Variants in TLCD4 observed in about 807,000 individuals in gnomAD.
TLCD4 encodes TLC domain-containing protein 4.
A neutral mutation model predicts 24.2 loss-of-function variants in TLCD4; 7 were observed. The ratio of observed to expected loss-of-function variants is 0.29; its 90% CI spans 0.16 to 0.54. TLCD4 has a LOEUF of 0.54. Ranked by LOEUF, TLCD4 falls within the 20% of genes least tolerant of loss-of-function variation. TLCD4 has a pLI of 0.95. For synonymous variants in TLCD4, 103 were observed against 106.4 expected, an observed-to-expected ratio of 0.97 and a Z score of 0.20; for missense variants, 259 against 313.9, an observed-to-expected ratio of 0.82 and a Z score of 1.32.
chr1:95,164,393 A>G (rs527927882), intron 5 of TLCD4: 5 of 152,380 alleles, frequency 3.3e-5, no homozygotes, highest in Non-Finnish European at 7.3e-5. Context: ...TCCAGGTACC[A>G]TCTGCCACAG....
intron 5 of TLCD4, among the ~76,000 whole-genome samples, chr1:95,161,867 C>T (rs1571755939): frequency 6.6e-6 from 1 of 152,140 alleles, no homozygotes; most frequent in Admixed American, 6.5e-5. Flanking sequence ...GTCTGAGAGA[C>T]AGTTTGTTAT....
intron 3 of TLCD4, 142 bp downstream of exon 3, chr1:95,148,933 A>G: frequency 2.5e-6 from 3 of 1,184,756 alleles, no homozygotes; most frequent in Non-Finnish European, 3.4e-6. Context: ...ACATTCTAGC[A>G]AAGTGCATTT....
intron 1 of TLCD4, among the ~76,000 whole-genome samples, chr1:95,119,533 G>A (rs142004018): frequency 2.6e-5 from 4 of 152,328 alleles, no homozygotes; most frequent in African/African-American, 7.2e-5. Flanking sequence ...TGGGAAAGGG[G>A]CTGGGTTTCA....
chr1:95,110,101 AT>A, the TLCD4 span, among the ~76,000 whole-genome samples: 7 of 150,786 alleles, frequency 4.6e-5, no homozygotes, highest in Non-Finnish European at 3.0e-5. Flanking sequence ...TACCAAAAAA[AT>A]CAACTGAAAA....
upstream of TLCD4, among the ~76,000 whole-genome samples, chr1:95,115,042 CAATT>C (rs1163514508): frequency 1.3e-5 from 2 of 148,360 alleles, no homozygotes; most frequent in Non-Finnish European, 3.0e-5. Context: ...ATTGGTGAAA[CAATT>C]AATAATACAG....
At chr1:95,168,590 C>T (rs371216361) in intron 5 of TLCD4, among the ~76,000 whole-genome samples, 133 of 88,896 alleles carry the variant, frequency 1.5e-3, no homozygotes, top group African/African-American at 5.5e-3. Context: ...TTTTAAGAGA[C>T]GGGGTCTCAC....
intron 6 of TLCD4, among the ~76,000 whole-genome samples, chr1:95,183,586 C>T (rs12080350): frequency 0.21 from 31,778 of 152,080 alleles, 3,413 homozygotes; most frequent in Admixed American, 0.25. Flanking sequence ...CGCCTGTAAT[C>T]CCAGCATTTT....
intron 5 of TLCD4, among the ~76,000 whole-genome samples, chr1:95,160,675 C>G (rs764131299): frequency 2.5e-4 from 38 of 152,148 alleles, no homozygotes; most frequent in Non-Finnish European, 3.7e-4. Flanking sequence ...GAGATACATC[C>G]CATCAATACC....
chr1:95,128,164 G>A (rs941295257), intron 1 of TLCD4, among the ~76,000 whole-genome samples: 2 of 152,132 alleles, frequency 1.3e-5, no homozygotes, highest in Non-Finnish European at 2.9e-5. Flanking sequence ...TGTACTCTGA[G>A]GCATAAGGCC....
the TLCD4 span, among the ~76,000 whole-genome samples, chr1:95,106,815 G>A: frequency 6.6e-6 from 1 of 152,196 alleles, no homozygotes; most frequent in Non-Finnish European, 1.5e-5. Context: ...ACCGTTACTT[G>A]CTGGAGGACA....
intron 5 of TLCD4, among the ~76,000 whole-genome samples, chr1:95,168,162 A>G (rs1363191634): frequency 6.6e-6 from 1 of 152,202 alleles, no homozygotes; most frequent in Admixed American, 6.5e-5. Context: ...TAAAAGTATT[A>G]ACCATTCATT....
At chr1:95,133,385 T>A (rs1327288066) in intron 1 of TLCD4, among the ~76,000 whole-genome samples, 2 of 148,460 alleles carry the variant, frequency 1.3e-5, no homozygotes, top group African/African-American at 2.5e-5. Flanking sequence ...AAAGTATAAT[T>A]AAAAAAAAAA....
At chr1:95,150,773 T>G (rs569728182) in intron 4 of TLCD4, among the ~76,000 whole-genome samples, 1 of 152,270 alleles carries the variant, frequency 6.6e-6, no homozygotes, top group African/African-American at 2.4e-5. Flanking sequence ...AAAATATTTT[T>G]TGTACGATTT....
At position 95,143,941 on chromosome 1, in the gene TLCD4, A is replaced by G; in HGVS notation, c.40A>G (p.Ile14Val). 1.3e-6 allele frequency: 2 copies of G among 1,558,460 alleles called. No individual in the cohort carries two copies. The highest frequency in any genetic ancestry group is 1.7e-6 in the Non-Finnish European group (2 of 1,154,696). The stretch of plus-strand genomic sequence containing the variant: ...AAAACTGCTCATCAGTGTTACCTGT[A>G]TCAGCTTTTTCACCTTTCAGCTTCT... ...NTKLLISVTC[I>V]SFFTFQLLFY... The change falls in exon 2 of 7, where the codon ATC (isoleucine) becomes GTC (valine). Residue 14 changes from isoleucine (I) to valine (V), a missense_variant. Transcript: ENST00000370203.
intron 1 of TLCD4, among the ~76,000 whole-genome samples, chr1:95,129,719 G>A (rs1365374339): frequency 6.6e-6 from 1 of 152,170 alleles, no homozygotes; most frequent in Non-Finnish European, 1.5e-5. Flanking sequence ...TCCAGCCTGG[G>A]CAACAGAGTG....
the TLCD4 span, among the ~76,000 whole-genome samples, chr1:95,094,549 C>T: frequency 3.3e-5 from 5 of 152,166 alleles, no homozygotes; most frequent in Non-Finnish European, 5.9e-5. Flanking sequence ...ACGGCAACAA[C>T]AGAGTGATAA....
chr1:95,155,799 G>T (rs1462772211), intron 5 of TLCD4, among the ~76,000 whole-genome samples: 1 of 150,122 alleles, frequency 6.7e-6, no homozygotes, highest in African/African-American at 2.5e-5. Flanking sequence ...TTTCCTACTG[G>T]CAGGATCAAC....
chr1:95,107,623 A>G, the TLCD4 span, among the ~76,000 whole-genome samples: 3 of 152,180 alleles, frequency 2.0e-5, no homozygotes, highest in African/African-American at 7.2e-5. Context: ...ATTTAGCTAT[A>G]AGGTCTATGA....
rs1428592720 is a variant in TLCD4, at chr1:95,195,915, G to A, written c.*4047G>A. The stretch of plus-strand genomic sequence containing the variant: ...CTTCATCAGCATCTCCCTCTTTTAT[G>A]CTAACACCTTTCGCTGTCAACTTTT... On this transcript the variant is annotated 3_prime_UTR_variant, in exon 7 of 7. Coordinates refer to ENST00000370203, the MANE Select transcript of TLCD4 (RefSeq NM_152487.3). 1 of 152,048 alleles carries A rather than the reference G, an allele frequency of 6.6e-6. No homozygotes were observed. Among genetic ancestry groups the A allele is most frequent in the Non-Finnish European group, 1.5e-5 (1 of 68,018 alleles). 9.4% of individuals were successfully genotyped at this position (152,048 alleles called of 1,614,324 possible).
Sources: allele counts gnomAD v4.1 joint callset (sites outside exome capture counted in the v4.1 genomes callset), GRCh38; gene constraint gnomAD v4.1.1; transcripts MANE v1.5; gene names NCBI Gene and HGNC (gene_info 2026-07-23, HGNC 2026-07-21).